The following HS2ST1 variants were observed in gnomAD, a reference collection of about 807,000 sequenced individuals.
HS2ST1 encodes the protein 2-O-sulfotransferase.
In HS2ST1, 18 loss-of-function variants were observed where a neutral mutation model predicts 42.9. The observed-to-expected ratio is 0.42, with a 90% confidence interval of 0.29 to 0.62. The LOEUF (loss-of-function observed/expected upper bound fraction) is 0.62, where lower values mean the gene tolerates loss of function less well. HS2ST1 is among the 20% of genes least tolerant of loss of function. The pLI, the probability that HS2ST1 is intolerant of heterozygous loss-of-function variation, is 0.21. For missense variants in HS2ST1, 334 were observed against 433.8 expected (o/e 0.77, Z 2.04); for synonymous variants, 146 against 152.9 (o/e 0.95, Z 0.33).
intron 1 of HS2ST1, among the ~76,000 whole-genome samples, chr1:87,071,629 T>G (rs1338207608): frequency 6.6e-6 from 1 of 150,866 alleles, no homozygotes; most frequent in African/African-American, 2.4e-5. Context: ...CTCAGTAGGC[T>G]GAGGCAGAGA....
chr1:87,028,193 A>G (rs1156854182), intron 1 of HS2ST1, among the ~76,000 whole-genome samples: 1 of 152,214 alleles, frequency 6.6e-6, no homozygotes, highest in Non-Finnish European at 1.5e-5. Flanking sequence ...AGTGATTTTC[A>G]TGTCAGGAGA....
At chr1:86,980,901 T>C (rs1648559494) in intron 1 of HS2ST1, among the ~76,000 whole-genome samples, 1 of 152,222 alleles carries the variant, frequency 6.6e-6, no homozygotes, top group South Asian at 2.1e-4. Context: ...AAAAAGTGTG[T>C]AATATATGAG....
intron 1 of HS2ST1, among the ~76,000 whole-genome samples, chr1:86,917,518 C>CAAAAA (rs5775926): frequency 1.5e-5 from 2 of 131,480 alleles, no homozygotes; most frequent in Non-Finnish European, 1.6e-5. Flanking sequence ...GACTCAGTCT[C>CAAAAA]AAAAAAAAAA....
chr1:87,049,501 T>G (rs925377249), intron 1 of HS2ST1, among the ~76,000 whole-genome samples: 30 of 152,168 alleles, frequency 2.0e-4, no homozygotes, highest in Admixed American at 1.8e-3. Flanking sequence ...CTTTTCTACT[T>G]TCCTTTTTGT....
rs1330659867 is a variant in HS2ST1 at position 86,985,367 on chromosome 1, A to AAGTATATATATGTAT, written c.124+70207_124+70208insAGTATATATATGTAT. Among the ~76,000 whole-genome samples, 201 of 41,078 alleles carry AAGTATATATATGTAT rather than the reference A, an allele frequency of 4.9e-3. 43 individuals carry two copies. The highest frequency in any genetic ancestry group is 0.015 in the Middle Eastern group (1 of 66). 26.9% of individuals were successfully genotyped at this position (41,078 alleles called of 152,430 possible). A position where few individuals can be genotyped will look rare whatever the true frequency, so the allele number is the denominator to read the frequency against. On this transcript the variant is annotated intron_variant, in intron 1 of 6. Coordinates refer to ENST00000370550, the MANE Select transcript of HS2ST1 (RefSeq NM_012262.4). ...GACTTGTATCAAAAAAAAAAAAAAAAGTATATATATATATATACACACACA... is the reference window on the plus strand; with the variant it reads ...GACTTGTATCAAAAAAAAAAAAAAAAAGTATATATATGTATGTATATATATATATATACACACACA...
In HS2ST1 at chr1:86,969,083, A is replaced by T. The variant is rs72949787; in HGVS notation, c.124+53923A>T. Among the ~76,000 whole-genome samples, 325 of 152,320 alleles carry T rather than the reference A, an allele frequency of 2.1e-3. 1 individual carries two copies. Among genetic ancestry groups the T allele is most frequent in the African/African-American group, 7.2e-3 (298 of 41,574 alleles). ...TATATGCATGTCAAAGTATGTACTAAATATAAAGTGTTACTTTTCATACTT... is the reference window on the plus strand; with the variant it reads ...TATATGCATGTCAAAGTATGTACTATATATAAAGTGTTACTTTTCATACTT... On this transcript the variant is annotated intron_variant, in intron 1 of 6. Transcript: ENST00000370550.
rs564618958 is a variant in HS2ST1 at position 87,052,455 on chromosome 1, T to A, written c.125-20479T>A. 4.6e-5 allele frequency among the ~76,000 whole-genome samples: 7 copies of A among 152,324 alleles called. No individual in the cohort carries two copies. The South Asian group carries it at 1.0e-3, about 23-fold the overall frequency. ...GGTTGTACCCCAAAAATGGTTTCAGTTTAAAAGGGTGTGGGGCAATGACCA... is the reference window on the plus strand; with the variant it reads ...GGTTGTACCCCAAAAATGGTTTCAGATTAAAAGGGTGTGGGGCAATGACCA... On this transcript the variant is annotated intron_variant, in intron 1 of 6. Coordinates refer to ENST00000370550, the MANE Select transcript of HS2ST1 (RefSeq NM_012262.4).
At chr1:86,945,360 T>C (rs1207481220) in intron 1 of HS2ST1, among the ~76,000 whole-genome samples, 1 of 152,198 alleles carries the variant, frequency 6.6e-6, no homozygotes, top group Non-Finnish European at 1.5e-5. Flanking sequence ...TGTCTGTCAT[T>C]TATTGAATGC....
At chr1:86,979,584 A>G (rs1000225662) in intron 1 of HS2ST1, among the ~76,000 whole-genome samples, 2 of 152,180 alleles carry the variant, frequency 1.3e-5, no homozygotes, top group African/African-American at 4.8e-5. Context: ...ATGTATACAC[A>G]TTTTGTTAAT....
At chr1:86,941,140 G>C (rs1660754802) in intron 1 of HS2ST1, among the ~76,000 whole-genome samples, 1 of 152,154 alleles carries the variant, frequency 6.6e-6, no homozygotes, top group South Asian at 2.1e-4. Flanking sequence ...ACTGATGTAG[G>C]CCAGTTCTTG....
chr1:86,948,999 T>TA (rs1647421348), intron 1 of HS2ST1, among the ~76,000 whole-genome samples: 1 of 152,254 alleles, frequency 6.6e-6, no homozygotes, highest in African/African-American at 2.4e-5. Flanking sequence ...AAGTAATAGT[T>TA]ACTACTTCTT....
chr1:86,981,100 G>C (rs1263854413), intron 1 of HS2ST1, among the ~76,000 whole-genome samples: 11 of 152,132 alleles, frequency 7.2e-5, no homozygotes. Context: ...CAGCAGGAGA[G>C]GGGTGGGGAA....
chr1:87,036,288 A>G (rs961734755), intron 1 of HS2ST1, among the ~76,000 whole-genome samples: 1 of 152,210 alleles, frequency 6.6e-6, no homozygotes, highest in African/African-American at 2.4e-5. Context: ...TTTATAGCAC[A>G]TGATTTATAA....
At chr1:87,046,051 T>C (rs889924298) in intron 1 of HS2ST1, 4 of 666,252 alleles carry the variant, frequency 6.0e-6, no homozygotes, top group Admixed American at 1.8e-5. Context: ...AAAGCTAATA[T>C]GGTTGCCTAC....
chr1:87,047,884 A>G (rs1650726891), intron 1 of HS2ST1, among the ~76,000 whole-genome samples: 1 of 152,078 alleles, frequency 6.6e-6, no homozygotes, highest in Non-Finnish European at 1.5e-5. Flanking sequence ...AAGTGGTGTA[A>G]ATCCTTCAAT....
chr1:86,915,841 G>C (rs1188064992), intron 1 of HS2ST1, among the ~76,000 whole-genome samples: 1 of 152,218 alleles, frequency 6.6e-6, no homozygotes, highest in Non-Finnish European at 1.5e-5. Context: ...CTAAACTGAT[G>C]AATTGGGGCT....
intron 1 of HS2ST1, among the ~76,000 whole-genome samples, chr1:86,969,155 C>T (rs887990234): frequency 3.3e-5 from 5 of 152,152 alleles, no homozygotes; most frequent in Admixed American, 6.5e-5. Context: ...CATTTAAAAG[C>T]CTGTTCTTAA....
intron 1 of HS2ST1, among the ~76,000 whole-genome samples, chr1:87,023,084 A>G (rs955721153): frequency 2.0e-5 from 3 of 152,222 alleles, no homozygotes; most frequent in Non-Finnish European, 4.4e-5. Context: ...GTTATGTCCA[A>G]ATTGTTCCCA....
At chr1:87,058,427 T>C (rs1651031492) in intron 1 of HS2ST1, among the ~76,000 whole-genome samples, 1 of 151,764 alleles carries the variant, frequency 6.6e-6, no homozygotes, top group Non-Finnish European at 1.5e-5. Flanking sequence ...GGATTTTCTC[T>C]TAGCTAAGTG....
Sources: allele counts gnomAD v4.1 joint callset (sites outside exome capture counted in the v4.1 genomes callset), GRCh38; gene constraint gnomAD v4.1.1; transcripts MANE v1.5; gene names NCBI Gene and HGNC (gene_info 2026-07-23, HGNC 2026-07-21).